The following KLF8 variants were observed in gnomAD, a reference collection of about 807,000 sequenced individuals.
The protein encoded by KLF8 is KLF transcription factor 8.
Under a neutral mutation model 18.2 loss-of-function variants are expected in KLF8, and 10 were observed. The ratio of observed to expected loss-of-function variants is 0.55; its 90% CI spans 0.34 to 0.93. The LOEUF (loss-of-function observed/expected upper bound fraction) is 0.93, where lower values mean the gene tolerates loss of function less well. Ranked by LOEUF, KLF8 falls within the 40% of genes least tolerant of loss-of-function variation. The probability of loss-of-function intolerance (pLI) is 0.02; values close to 1 mark genes in which losing one functional copy is unlikely to be tolerated. For synonymous variants in KLF8, 109 were observed against 97.3 expected (o/e 1.12, Z -0.71); for missense variants, 264 against 277.9 (o/e 0.95, Z 0.36).
the KLF8 span, among the ~76,000 whole-genome samples, chrX:56,105,859 T>C: frequency 8.9e-6 from 1 of 111,875 alleles, no homozygotes; most frequent in Non-Finnish European, 1.9e-5. Flanking sequence ...CTGGTATCTG[T>C]TGTTCCTTTC....
the KLF8 span, among the ~76,000 whole-genome samples, chrX:56,034,641 T>G: frequency 1.8e-5 from 2 of 111,278 alleles, no homozygotes; most frequent in Non-Finnish European, 3.8e-5. Flanking sequence ...ATCATTTGTT[T>G]GAGTTGAGAA....
the KLF8 span, among the ~76,000 whole-genome samples, chrX:55,976,002 G>A: frequency 1.8e-5 from 2 of 111,077 alleles, no homozygotes; most frequent in East Asian, 2.8e-4. Context: ...CCAGCTACTC[G>A]GGAGGCTGAG....
the KLF8 span, among the ~76,000 whole-genome samples, chrX:55,987,188 T>TA: frequency 9.1e-6 from 1 of 109,807 alleles, no homozygotes; most frequent in South Asian, 3.8e-4. Flanking sequence ...TTTCTTTTTT[T>TA]TTTTCATTTT....
At chrX:56,122,555 C>T in the KLF8 span, among the ~76,000 whole-genome samples, 2 of 111,222 alleles carry the variant, frequency 1.8e-5, no homozygotes, top group Non-Finnish European at 3.8e-5. Flanking sequence ...GATAGTGGAA[C>T]ATTTCTAATG....
the KLF8 span, among the ~76,000 whole-genome samples, chrX:56,149,711 C>T: frequency 9.0e-6 from 1 of 111,380 alleles, no homozygotes; most frequent in Admixed American, 9.5e-5. Context: ...GAGTTATTTG[C>T]TAATGTTAAA....
the KLF8 span, among the ~76,000 whole-genome samples, chrX:56,173,955 G>C: frequency 8.9e-6 from 1 of 112,014 alleles, no homozygotes; most frequent in African/African-American, 3.2e-5. Context: ...TGTATCCTGA[G>C]ACTTTGCTGA....
the KLF8 span, among the ~76,000 whole-genome samples, chrX:55,993,416 G>A: frequency 8.9e-6 from 1 of 112,258 alleles, no homozygotes; most frequent in Non-Finnish European, 1.9e-5. Flanking sequence ...ATTTGCATAT[G>A]TTGAGCCAAA....
At chrX:55,991,307 G>A in the KLF8 span, among the ~76,000 whole-genome samples, 1 of 112,381 alleles carries the variant, frequency 8.9e-6, no homozygotes. Flanking sequence ...TCCAAGCCAC[G>A]TGCGGGATAT....
chrX:56,281,080 C>T (rs2067195028), intron 5 of KLF8, among the ~76,000 whole-genome samples: 2 of 112,169 alleles, frequency 1.8e-5, no homozygotes, highest in South Asian at 7.5e-4. Context: ...AATGCATCCC[C>T]ATTATTGCTC....
chrX:55,914,966 G>C, the KLF8 span, among the ~76,000 whole-genome samples: 1 of 110,976 alleles, frequency 9.0e-6, no homozygotes, highest in South Asian at 3.8e-4. Flanking sequence ...ACAGAAATTA[G>C]AGGGATTTTT....
At chrX:56,048,348 T>C in the KLF8 span, among the ~76,000 whole-genome samples, 1 of 112,242 alleles carries the variant, frequency 8.9e-6, no homozygotes, top group East Asian at 2.8e-4. Flanking sequence ...TGCCCATGTC[T>C]ATGTCCTGAA....
At chrX:56,276,233 TG>T (rs1479536570) in intron 5 of KLF8, among the ~76,000 whole-genome samples, 1 of 108,036 alleles carries the variant, frequency 9.3e-6, no homozygotes, top group Admixed American at 1.0e-4. Context: ...CTCCACCTTC[TG>T]GGAGAGTTTT....
the KLF8 span, among the ~76,000 whole-genome samples, chrX:56,191,026 TG>T: frequency 1.4e-4 from 16 of 111,505 alleles, no homozygotes; most frequent in African/African-American, 5.2e-4. Flanking sequence ...ACACAAAAAT[TG>T]GTTTTTTGAA....
the KLF8 span, among the ~76,000 whole-genome samples, chrX:56,075,262 A>T: frequency 9.0e-6 from 1 of 111,128 alleles, no homozygotes; most frequent in Non-Finnish European, 1.9e-5. Context: ...TAAATTTACA[A>T]ATTATTCATT....
At chrX:56,082,341 C>G in the KLF8 span, among the ~76,000 whole-genome samples, 11 of 110,569 alleles carry the variant, frequency 9.9e-5, no homozygotes, top group Non-Finnish European at 1.9e-4. Context: ...CTTGTGTCTT[C>G]TCTTTTTTTT....
chrX:56,034,723 A>G, the KLF8 span, among the ~76,000 whole-genome samples: 1 of 105,455 alleles, frequency 9.5e-6, no homozygotes, highest in African/African-American at 3.5e-5. Context: ...ACAATCTTAC[A>G]ATGGTATAGA....
the KLF8 span, among the ~76,000 whole-genome samples, chrX:56,058,279 C>CATATATATATATATATATAT: frequency 2.2e-3 from 16 of 7,291 alleles, no homozygotes; most frequent in East Asian, 4.2e-3. Flanking sequence ...CATATATATA[C>CATATATATATATATATATAT]ATATATATAT....
chrX:56,189,961 G>A, the KLF8 span, among the ~76,000 whole-genome samples: 1 of 107,175 alleles, frequency 9.3e-6, no homozygotes, highest in Non-Finnish European at 1.9e-5. Context: ...CATGGCACAT[G>A]TATACATATG....
At chrX:55,993,159 G>A in the KLF8 span, among the ~76,000 whole-genome samples, 1 of 111,109 alleles carries the variant, frequency 9.0e-6, no homozygotes, top group South Asian at 3.8e-4. Context: ...ATGAGAGTTG[G>A]CATCCTTGTC....
Sources: gnomAD v4.1 joint callset for allele counts (sites outside exome capture counted in the v4.1 genomes callset) on GRCh38, gnomAD v4.1.1 for gene constraint, MANE v1.5 for transcripts, NCBI Gene and HGNC (gene_info 2026-07-23, HGNC 2026-07-21) for gene names.